The following ADAM22 variants were observed in gnomAD, a reference collection of about 807,000 sequenced individuals.
ADAM22 encodes ADAM metallopeptidase domain 22.
A neutral mutation model predicts 144.6 loss-of-function variants in ADAM22; 65 were observed. That is an observed-to-expected ratio of 0.45 (90% CI 0.37 to 0.55). The LOEUF is 0.55. Ranked by LOEUF, ADAM22 falls within the 20% of genes least tolerant of loss-of-function variation. The pLI is 0.00. For synonymous variants in ADAM22, 391 were observed against 412.6 expected, an observed-to-expected ratio of 0.95 and a Z score of 0.63; for missense variants, 974 against 1,184.9, an observed-to-expected ratio of 0.82 and a Z score of 2.61.
intron 2 of ADAM22, 142 bp downstream of exon 2, chr7:87,935,328 C>A: frequency 1.0e-6 from 1 of 990,392 alleles, no homozygotes; most frequent in South Asian, 1.7e-5. Context: ...CATGGCGCTC[C>A]CTGTGCAAAA....
chr7:87,997,516 G>C (rs1299926672), intron 3 of ADAM22, among the ~76,000 whole-genome samples: 2 of 152,258 alleles, frequency 1.3e-5, no homozygotes, highest in African/African-American at 4.8e-5. Flanking sequence ...CTCTGGAGAA[G>C]AATCTACTTC....
chr7:88,033,818 TC>T lies in ADAM22; in HGVS notation c.324-41806del, dbSNP rs1207190235. On this transcript the variant is annotated intron_variant, in intron 3 of 31. Transcript: ENST00000413139. ...ACAGGCAGAGGATTCTCTCCCTGTG[TC>T]CACCACCCCACAGGCCCACGTGGAG... is the stretch of plus-strand genomic sequence containing the variant. Among the ~76,000 whole-genome samples the T allele has an allele frequency of 2.0e-5, 3 of 152,226 alleles. No homozygotes were observed. In the East Asian group the frequency reaches 5.8e-4, roughly 29 times the overall value.
At chr7:88,075,509 T>G in intron 3 of ADAM22, 117 bp from the exon 4 acceptor site, 1 of 770,786 alleles carries the variant, frequency 1.3e-6, no homozygotes, top group Admixed American at 2.0e-5. Context: ...ACCTATAAAG[T>G]GTTGATTTGG....
At chr7:88,090,797 ATCT>A (rs1302213939) in intron 4 of ADAM22, among the ~76,000 whole-genome samples, 1 of 152,146 alleles carries the variant, frequency 6.6e-6, no homozygotes, top group Non-Finnish European at 1.5e-5. Flanking sequence ...CAATATTAAG[ATCT>A]TCTGATTTAG....
chr7:87,974,197 G>T (rs1232541739), intron 2 of ADAM22, among the ~76,000 whole-genome samples: 1 of 150,974 alleles, frequency 6.6e-6, no homozygotes, highest in African/African-American at 2.4e-5. Context: ...CCAGCTGCTC[G>T]GGAGGCTGAG....
At chr7:87,962,121 G>A (rs1848127835) in intron 2 of ADAM22, among the ~76,000 whole-genome samples, 1 of 152,166 alleles carries the variant, frequency 6.6e-6, no homozygotes, top group Admixed American at 6.5e-5. Context: ...GAGAATTAGT[G>A]TAATGCATAT....
chr7:88,134,483 G>C, intron 13 of ADAM22, 64 bp downstream of exon 13: 1 of 1,321,330 alleles, frequency 7.6e-7, no homozygotes, highest in South Asian at 1.4e-5. Flanking sequence ...ATATTTTGGA[G>C]AGTAAAATTT....
At chr7:88,028,942 GT>G (rs1199566256) in intron 3 of ADAM22, among the ~76,000 whole-genome samples, 11 of 151,598 alleles carry the variant, frequency 7.3e-5, no homozygotes, top group Non-Finnish European at 1.6e-4. Flanking sequence ...GTGGAGTCTT[GT>G]TTTTTTATCC....
Position 88,196,715 on chromosome 7 carries a change from C to A in ADAM22, c.*224C>A. On this transcript the variant is annotated 3_prime_UTR_variant, in exon 32 of 32. Coordinates refer to ENST00000413139, the MANE Select transcript of ADAM22 (RefSeq NM_001324418.2). ...TGAAAAGAACTACTGAAATATTACA[C>A]TATAACATGGAACAATAAAGGTACT... 1.8e-6 allele frequency: 1 copy of A among 571,052 alleles called. No homozygotes were observed. The highest frequency in any genetic ancestry group is 2.9e-5 in the East Asian group (1 of 34,622). The allele number at this position is 571,052 out of a possible 1,614,324, so 35.4% of individuals were successfully genotyped here. A position where few individuals can be genotyped will look rare whatever the true frequency, so the allele number is the denominator to read the frequency against.
chr7:88,012,841 G>A (rs1437964059), intron 3 of ADAM22, among the ~76,000 whole-genome samples: 1 of 152,210 alleles, frequency 6.6e-6, no homozygotes, highest in East Asian at 1.9e-4. Context: ...CTGTAGTTGG[G>A]GAAATGCTCT....
rs553914165 is a variant in ADAM22 at position 88,131,171 on chromosome 7, C to G, written c.826-98C>G. On this transcript the variant is annotated intron_variant, in intron 10 of 31. Coordinates refer to ENST00000413139, the MANE Select transcript of ADAM22 (RefSeq NM_001324418.2). ...AAGTTATCTCCCTTTAACTAAAACT[C>G]AAAGAAGTTTCCATGAAAGGAGTTT... 3.9e-6 allele frequency: 4 copies of G among 1,022,126 alleles called. No homozygotes were observed. In the East Asian group the frequency reaches 7.8e-5, roughly 20 times the overall value. The allele number at this position is 1,022,126 out of a possible 1,614,324, so 63.3% of individuals were successfully genotyped here.
chr7:88,118,625 G>C (rs1828415751), intron 7 of ADAM22, among the ~76,000 whole-genome samples: 1 of 147,828 alleles, frequency 6.8e-6, no homozygotes, highest in Non-Finnish European at 1.5e-5. Flanking sequence ...AGGCTTGCTA[G>C]GATATAACCT....
intron 6 of ADAM22, among the ~76,000 whole-genome samples, chr7:88,115,955 C>A (rs1428636177): frequency 6.6e-6 from 1 of 152,168 alleles, no homozygotes; most frequent in African/African-American, 2.4e-5. Context: ...TCTGTACATA[C>A]AAATGTTCTT....
At chr7:88,186,806 A>G (rs575356654) in intron 30 of ADAM22, 105 bp downstream of exon 30, 8 of 713,482 alleles carry the variant, frequency 1.1e-5, no homozygotes, top group South Asian at 1.8e-5. Context: ...ACAAGTTCCT[A>G]TAGGTGGAAA....
At chr7:88,084,156 G>C (rs1017891024) in intron 4 of ADAM22, among the ~76,000 whole-genome samples, 1 of 152,180 alleles carries the variant, frequency 6.6e-6, no homozygotes, top group Non-Finnish European at 1.5e-5. Context: ...GCTCTCTGCT[G>C]TCTCTACAGT....
chr7:88,190,596 C>G (rs947177002), intron 30 of ADAM22, among the ~76,000 whole-genome samples: 1 of 152,110 alleles, frequency 6.6e-6, no homozygotes, highest in Non-Finnish European at 1.5e-5. Flanking sequence ...CAATGATGCA[C>G]TTCACTTTTT....
At chr7:88,051,943 G>A (rs1472783923) in intron 3 of ADAM22, among the ~76,000 whole-genome samples, 2 of 152,014 alleles carry the variant, frequency 1.3e-5, no homozygotes, top group Admixed American at 6.6e-5. Flanking sequence ...CTTTCAACAG[G>A]GCATCCTTAA....
rs765985355 is a variant in ADAM22, at chr7:88,178,941, A to G, written c.2307A>G (p.Leu769=). Residue 769 remains leucine (L), a synonymous_variant, in exon 27 of 32, where the codon TTA becomes TTG. Transcript: ENST00000413139. ...GYKNYREQRQ[L]PQGDYVKKPG... ...AATGTTTATTATGCCTTAGACAGTT[A>G]CCCCAGGGAGATTATGTAAAAAAGC... 1.1e-5 allele frequency: 17 copies of G among 1,607,690 alleles called. 2 individuals are homozygous for G. The South Asian group carries it at 1.9e-4, about 18-fold the overall frequency.
intron 3 of ADAM22, among the ~76,000 whole-genome samples, chr7:88,022,153 C>T (rs995370339): frequency 6.6e-6 from 1 of 151,972 alleles, no homozygotes; most frequent in African/African-American, 2.4e-5. Context: ...GCCTCAGCCT[C>T]CCAAAGTGCT....
Sources: gnomAD v4.1 joint callset for allele counts (sites outside exome capture counted in the v4.1 genomes callset) on GRCh38, gnomAD v4.1.1 for gene constraint, MANE v1.5 for transcripts, NCBI Gene and HGNC (gene_info 2026-07-23, HGNC 2026-07-21) for gene names.